Variants in CSMD1 observed in about 807,000 individuals in gnomAD.
The protein encoded by CSMD1 is CUB and Sushi multiple domains 1, also known as CUB and sushi domain-containing protein 1.
Under a neutral mutation model 417.5 loss-of-function variants are expected in CSMD1, and 213 were observed. That is an observed-to-expected ratio of 0.51 (90% CI 0.46 to 0.57). CSMD1 has a LOEUF of 0.57. CSMD1 is among the 20% of genes least tolerant of loss of function. The pLI is 0.00. For synonymous variants in CSMD1, 2,862 were observed against 1,736.8 expected (o/e 1.65, Z -16.11); for missense variants, 6,923 against 4,529.7 (o/e 1.53, Z -15.17).
chr8:4,001,249 C>G (rs766841612), intron 4 of CSMD1, among the ~76,000 whole-genome samples: 1 of 152,176 alleles, frequency 6.6e-6, no homozygotes, highest in South Asian at 2.1e-4. Context: ...TAACCTTGAC[C>G]AGAAGTGAAT....
At chr8:2,969,395 C>T (rs1423300364) in intron 57 of CSMD1, among the ~76,000 whole-genome samples, 1 of 152,118 alleles carries the variant, frequency 6.6e-6, no homozygotes, top group African/African-American at 2.4e-5. Flanking sequence ...CATTTGAAAT[C>T]TTAAGCTTGA....
chr8:3,862,444 G>A (rs1804781343), intron 5 of CSMD1, among the ~76,000 whole-genome samples: 1 of 152,042 alleles, frequency 6.6e-6, no homozygotes, highest in Admixed American at 6.6e-5. Context: ...TGGAATAAGT[G>A]TTCCTTCTCG....
chr8:3,211,132 C>A (rs570559126), intron 30 of CSMD1, among the ~76,000 whole-genome samples: 2 of 152,236 alleles, frequency 1.3e-5, no homozygotes, highest in South Asian at 4.2e-4. Context: ...GCAGCCTCAA[C>A]CTTCAGAGCT....
At chr8:3,733,244 A>T (rs1302899244) in intron 6 of CSMD1, among the ~76,000 whole-genome samples, 1 of 115,758 alleles carries the variant, frequency 8.6e-6, no homozygotes, top group Non-Finnish European at 1.8e-5. Flanking sequence ...TATATTACAC[A>T]TATTAATATA....
At chr8:3,838,932 A>C (rs1460357694) in intron 5 of CSMD1, among the ~76,000 whole-genome samples, 1 of 102,796 alleles carries the variant, frequency 9.7e-6, no homozygotes, top group Non-Finnish European at 1.8e-5. Context: ...CTCTCTATTT[A>C]TATATAATAA....
At chr8:3,239,231 C>A (rs1461811678) in intron 26 of CSMD1, among the ~76,000 whole-genome samples, 2 of 152,040 alleles carry the variant, frequency 1.3e-5, no homozygotes, top group African/African-American at 4.8e-5. Flanking sequence ...ATAAAGGTTT[C>A]ACTGAATACC....
intron 2 of CSMD1, among the ~76,000 whole-genome samples, chr8:4,450,725 A>G (rs1254196085): frequency 6.6e-6 from 1 of 152,208 alleles, no homozygotes; most frequent in African/African-American, 2.4e-5. Context: ...AATGTCAAAC[A>G]TTTAACAGAA....
At chr8:4,982,565 T>A (rs1174125476) in intron 1 of CSMD1, among the ~76,000 whole-genome samples, 6 of 152,242 alleles carry the variant, frequency 3.9e-5, no homozygotes, top group African/African-American at 1.2e-4. Context: ...ATCTTTAACT[T>A]AGGTACTTCT....
intron 41 of CSMD1, chr8:3,128,682 A>G (rs1585420666): frequency 2.9e-6 from 1 of 344,394 alleles, no homozygotes; most frequent in East Asian, 7.5e-5. Context: ...CAGATATGAT[A>G]CCCTACAAGA....
rs2720816 is a variant in CSMD1, at chr8:3,731,247, A to C, written c.931+22683T>G. Among the ~76,000 whole-genome samples, 693 of 152,290 alleles carry C rather than the reference A, an allele frequency of 4.6e-3. 21 individuals carry two copies. In the East Asian group the frequency reaches 0.083, roughly 18 times the overall value. Reference sequence around the variant, plus strand: ...GTCCTCCTTCCCCCAGCAAACAATGACGTGCATTCTACATTGACCAGCATT... The same window carrying C: ...GTCCTCCTTCCCCCAGCAAACAATGCCGTGCATTCTACATTGACCAGCATT... On this transcript the variant is annotated intron_variant, in intron 6 of 69. Transcript: ENST00000635120.
chr8:4,894,708 G>GTGTGTC (rs1404273280), intron 1 of CSMD1, among the ~76,000 whole-genome samples: 1 of 151,666 alleles, frequency 6.6e-6, no homozygotes, highest in Non-Finnish European at 1.5e-5. Context: ...CTGTGTGTGT[G>GTGTGTC]TGTGTGTGTG....
chr8:4,391,388 G>T (rs565308531), intron 3 of CSMD1, among the ~76,000 whole-genome samples: 1 of 152,262 alleles, frequency 6.6e-6, no homozygotes, highest in East Asian at 1.9e-4. Flanking sequence ...AAAAAGTGAT[G>T]TAAGACTTTG....
chr8:4,856,041 G>A (rs1801780452), intron 1 of CSMD1, among the ~76,000 whole-genome samples: 2 of 152,122 alleles, frequency 1.3e-5, no homozygotes, highest in African/African-American at 2.4e-5. Flanking sequence ...TCAAAAGGAA[G>A]CCCATCAGAG....
intron 5 of CSMD1, among the ~76,000 whole-genome samples, chr8:3,815,634 T>TTC (rs1801328869): frequency 2.0e-5 from 3 of 151,718 alleles, no homozygotes; most frequent in African/African-American, 7.3e-5. Context: ...TTCTTTTTTT[T>TTC]TTTTTTTAAC....
At chr8:4,865,877 A>G (rs1184362116) in intron 1 of CSMD1, among the ~76,000 whole-genome samples, 2 of 151,896 alleles carry the variant, frequency 1.3e-5, no homozygotes, top group Non-Finnish European at 1.5e-5. Flanking sequence ...AATTTTAACC[A>G]AATTTAATCA....
chr8:4,085,540 C>G (rs914893716), intron 3 of CSMD1, among the ~76,000 whole-genome samples: 3 of 151,936 alleles, frequency 2.0e-5, no homozygotes, highest in African/African-American at 7.3e-5. Context: ...TCTTTGTAAC[C>G]CTAATAAGCT....
chr8:3,296,589 C>G (rs941993753), intron 25 of CSMD1, among the ~76,000 whole-genome samples: 3 of 152,150 alleles, frequency 2.0e-5, no homozygotes, highest in African/African-American at 7.2e-5. Context: ...AAATGACACT[C>G]TGTCAACGTT....
intron 2 of CSMD1, among the ~76,000 whole-genome samples, chr8:4,467,326 T>C (rs903897858): frequency 2.0e-5 from 3 of 152,228 alleles, no homozygotes; most frequent in East Asian, 1.9e-4. Context: ...GATTATTTAA[T>C]TGACCCATTA....
At chr8:4,260,469 C>T (rs1803800125) in intron 3 of CSMD1, among the ~76,000 whole-genome samples, 1 of 152,092 alleles carries the variant, frequency 6.6e-6, no homozygotes. Context: ...TGTTAGTGAA[C>T]ATTGTTCACC....
Sources: gnomAD v4.1 joint callset for allele counts (sites outside exome capture counted in the v4.1 genomes callset) on GRCh38, gnomAD v4.1.1 for gene constraint, MANE v1.5 for transcripts, NCBI Gene and HGNC (gene_info 2026-07-23, HGNC 2026-07-21) for gene names.